The following RBFOX1 variants were observed in gnomAD, a reference collection of about 807,000 sequenced individuals.
RBFOX1 encodes the protein RNA binding protein fox-1 homolog 1.
A neutral mutation model predicts 57.7 loss-of-function variants in RBFOX1; 8 were observed. The ratio of observed to expected loss-of-function variants is 0.14; its 90% CI spans 0.08 to 0.25. The LOEUF (loss-of-function observed/expected upper bound fraction) is 0.25. Among genes scored for constraint, RBFOX1 ranks in the 10% least tolerant of loss-of-function variants. RBFOX1 has a pLI of 1.00. For synonymous variants in RBFOX1, 326 were observed against 222.4 expected (o/e 1.47, Z -4.15); for missense variants, 611 against 548.5 (o/e 1.11, Z -1.14).
At chr16:5,734,126 C>T (rs1460550044) in intron 3 of RBFOX1, among the ~76,000 whole-genome samples, 1 of 152,180 alleles carries the variant, frequency 6.6e-6, no homozygotes, top group East Asian at 1.9e-4. Flanking sequence ...ATGTTCTTCT[C>T]CTTACCTGTT....
rs34017800 is a variant in RBFOX1, at chr16:6,911,202, CA to C, written c.-15-140839del. On this transcript the variant is annotated intron_variant, in intron 3 of 15. Coordinates refer to ENST00000550418, the MANE Select transcript of RBFOX1 (RefSeq NM_018723.4). Reference sequence around the variant, plus strand: ...GGGCAACAAGAGTAAAATTGTGTCTCAAAAAAAAAAAAAAAAGCAAACTGAA... The same window carrying C: ...GGGCAACAAGAGTAAAATTGTGTCTCAAAAAAAAAAAAAAAGCAAACTGAA... 6.0e-3 allele frequency among the ~76,000 whole-genome samples: 826 copies of C among 138,612 alleles called. 10 individuals carry two copies. In the East Asian group the frequency reaches 0.068, roughly 11 times the overall value. 90.9% of individuals were successfully genotyped at this position (138,612 alleles called of 152,430 possible). A position where few individuals can be genotyped will look rare whatever the true frequency, so the allele number is the denominator to read the frequency against.
intron 3 of RBFOX1, among the ~76,000 whole-genome samples, chr16:6,882,281 G>A (rs1027549952): frequency 6.6e-6 from 1 of 152,120 alleles, no homozygotes; most frequent in Admixed American, 6.5e-5. Context: ...GAGGATGATG[G>A]GGAGGAACAA....
chr16:7,176,235 T>TTTTTTTTTTTTTTTTTTTGAGACGGAGTC (rs1601908879), intron 4 of RBFOX1, among the ~76,000 whole-genome samples: 1 of 150,776 alleles, frequency 6.6e-6, no homozygotes, highest in East Asian at 2.0e-4. Flanking sequence ...TTCTTGGTTC[T>TTTTTTTTTTTTTTTTTTTGAGACGGAGTC]TAAAATCATG....
intron 4 of RBFOX1, among the ~76,000 whole-genome samples, chr16:7,501,896 A>G (rs1408923463): frequency 1.3e-5 from 2 of 152,156 alleles, no homozygotes; most frequent in African/African-American, 4.8e-5. Flanking sequence ...TACCTGGGCT[A>G]TGTCTACCTT....
chr16:6,748,503 A>C (rs969909417), intron 3 of RBFOX1, among the ~76,000 whole-genome samples: 4 of 152,130 alleles, frequency 2.6e-5, no homozygotes, highest in African/African-American at 9.7e-5. Flanking sequence ...TCTCCAAAAA[A>C]TAAAGATAAA....
chr16:7,503,804 C>A (rs932210971), intron 4 of RBFOX1, among the ~76,000 whole-genome samples: 1 of 152,140 alleles, frequency 6.6e-6, no homozygotes, highest in Non-Finnish European at 1.5e-5. Flanking sequence ...TGATTTTCTG[C>A]TTGTCCATAT....
intron 10 of RBFOX1, among the ~76,000 whole-genome samples, chr16:7,628,494 A>G (rs1402488098): frequency 1.3e-5 from 2 of 152,128 alleles, no homozygotes; most frequent in Admixed American, 6.5e-5. Flanking sequence ...GCTTGGTTTC[A>G]TATCCCAATC....
intron 4 of RBFOX1, among the ~76,000 whole-genome samples, chr16:7,438,089 A>T (rs560285244): frequency 2.0e-5 from 3 of 152,296 alleles, no homozygotes; most frequent in African/African-American, 7.2e-5. Context: ...TTGCTCCGCG[A>T]TGCTTGTCTG....
At chr16:5,276,037 A>G (rs1249207794) in intron 1 of RBFOX1, among the ~76,000 whole-genome samples, 2 of 152,240 alleles carry the variant, frequency 1.3e-5, no homozygotes, top group Non-Finnish European at 2.9e-5. Context: ...AATCAACACA[A>G]GATGGATCAA....
intron 3 of RBFOX1, among the ~76,000 whole-genome samples, chr16:6,683,261 G>C (rs938688556): frequency 7.2e-5 from 11 of 152,176 alleles, no homozygotes; most frequent in African/African-American, 2.4e-4. Flanking sequence ...TTCCAGTGCA[G>C]AGGTCAAATT....
At chr16:7,022,861 C>T (rs1406608109) in intron 3 of RBFOX1, among the ~76,000 whole-genome samples, 1 of 152,158 alleles carries the variant, frequency 6.6e-6, no homozygotes, top group African/African-American at 2.4e-5. Context: ...TGAACAACTG[C>T]CTCCAATGTT....
intron 1 of RBFOX1, among the ~76,000 whole-genome samples, chr16:5,367,340 G>A (rs564360029): frequency 6.6e-6 from 1 of 152,320 alleles, no homozygotes; most frequent in Admixed American, 6.5e-5. Flanking sequence ...CACAGGCTGA[G>A]CAGGTTCCCA....
Position 7,027,523 on chromosome 16 carries a change from G to A in RBFOX1, c.-15-24534G>A, listed in dbSNP as rs554668104. Among the ~76,000 whole-genome samples, 113 of 62,288 alleles carry A rather than the reference G, an allele frequency of 1.8e-3. 1 individual carries two copies. The highest frequency in any genetic ancestry group is 6.6e-3 in the African/African-American group (111 of 16,786). 40.9% of individuals were successfully genotyped at this position (62,288 alleles called of 152,430 possible). A position where few individuals can be genotyped will look rare whatever the true frequency, so the allele number is the denominator to read the frequency against. ...TCAAACTCAAGCAGTCTGGCTTCAG[G>A]GCTTTTTTTTCTAAATCACTCCCTG... On this transcript the variant is annotated intron_variant, in intron 3 of 15. Coordinates refer to ENST00000550418, the MANE Select transcript of RBFOX1 (RefSeq NM_018723.4).
intron 3 of RBFOX1, among the ~76,000 whole-genome samples, chr16:5,684,824 G>C (rs564636745): frequency 1.3e-5 from 2 of 152,244 alleles, no homozygotes; most frequent in African/African-American, 4.8e-5. Flanking sequence ...GGGTTGCTTG[G>C]GGGTATTTGG....
chr16:5,950,534 A>G (rs894048215), intron 4 of RBFOX1, among the ~76,000 whole-genome samples: 4 of 152,212 alleles, frequency 2.6e-5, no homozygotes, highest in Non-Finnish European at 5.9e-5. Context: ...GAGTATCACT[A>G]CGGGCTCATA....
intron 2 of RBFOX1, among the ~76,000 whole-genome samples, chr16:6,431,811 G>A (rs905524670): frequency 1.3e-5 from 2 of 152,062 alleles, no homozygotes; most frequent in Non-Finnish European, 2.9e-5. Context: ...CTGTAAAATG[G>A]GGCTAACACT....
At chr16:5,765,110 C>T (rs1447231595) in intron 3 of RBFOX1, among the ~76,000 whole-genome samples, 1 of 152,154 alleles carries the variant, frequency 6.6e-6, no homozygotes, top group African/African-American at 2.4e-5. Context: ...GAAAGCATCT[C>T]TTCTAATTAT....
chr16:7,709,447 C>CTTTTTTTTTTTT (rs75160475), intron 15 of RBFOX1: 5 of 1,309,534 alleles, frequency 3.8e-6, no homozygotes, highest in South Asian at 1.6e-5. Context: ...CAATGCAGAA[C>CTTTTTTTTTTTT]TTTTTTTTTT....
At position 5,825,104 on chromosome 16, in the gene RBFOX1, G is replaced by A. The variant is rs540255572; in HGVS notation, c.319-42199G>A. On this transcript the variant is annotated intron_variant, in intron 3 of 19. Coordinates refer to the RBFOX1 transcript ENST00000641259. The stretch of plus-strand genomic sequence containing the variant: ...GCATCAACACAGGAAGGAATTGGAG[G>A]TGGTCTGTTGTCATGGTTAAGTGCA... 1.3e-4 allele frequency among the ~76,000 whole-genome samples: 20 copies of A among 152,344 alleles called. No individual in the cohort carries two copies. The South Asian group carries it at 3.7e-3, about 28-fold the overall frequency.
Sources: gnomAD v4.1 joint callset for allele counts (sites outside exome capture counted in the v4.1 genomes callset) on GRCh38, gnomAD v4.1.1 for gene constraint, MANE v1.5 for transcripts, NCBI Gene and HGNC (gene_info 2026-07-23, HGNC 2026-07-21) for gene names.